The following MIS18BP1 variants were observed in gnomAD, a reference collection of about 807,000 sequenced individuals.
The protein encoded by MIS18BP1 is MIS18 binding protein 1.
Under a neutral mutation model 116.1 loss-of-function variants are expected in MIS18BP1, and 72 were observed. The ratio of observed to expected loss-of-function variants is 0.62; its 90% CI spans 0.51 to 0.75. The LOEUF (loss-of-function observed/expected upper bound fraction) is 0.75. Among genes scored for constraint, MIS18BP1 ranks in the 30% least tolerant of loss-of-function variants. MIS18BP1 has a pLI of 0.00. For synonymous variants in MIS18BP1, 386 were observed against 427.0 expected, an observed-to-expected ratio of 0.90 and a Z score of 1.18; for missense variants, 1,363 against 1,303.2, an observed-to-expected ratio of 1.05 and a Z score of -0.71.
At position 45,242,758 on chromosome 14, in the gene MIS18BP1, T is replaced by C; in HGVS notation, c.658+3A>G. ...AACTGAAAACAAACCAAAAATAGTTTACCGTAAGTTAAATTGTGCAGTGGT... is the reference window on the plus strand; with the variant it reads ...AACTGAAAACAAACCAAAAATAGTTCACCGTAAGTTAAATTGTGCAGTGGT... On this transcript the variant is annotated splice_donor_region_variant and intron_variant, in intron 3 of 16. Coordinates refer to ENST00000310806, the MANE Select transcript of MIS18BP1 (RefSeq NM_018353.5). 6.3e-7 allele frequency: 1 copy of C among 1,597,488 alleles called. No homozygotes were observed. The highest frequency in any genetic ancestry group is 8.5e-7 in the Non-Finnish European group (1 of 1,172,578).
intron 14 of MIS18BP1, among the ~76,000 whole-genome samples, chr14:45,207,410 G>GGAGGCT (rs1890547064): frequency 6.6e-6 from 1 of 152,166 alleles, no homozygotes; most frequent in Admixed American, 6.5e-5. Context: ...CAGCACTTTG[G>GGAGGCT]GAGGCTGAGG....
At chr14:45,250,244 T>A (rs934535214) in intron 1 of MIS18BP1, 3 of 152,196 alleles carry the variant, frequency 2.0e-5, no homozygotes. Context: ...CTAGGAGACC[T>A]TTTTCCCACC....
intron 9 of MIS18BP1, 140 bp from the exon 10 acceptor site, chr14:45,226,976 A>T (rs939767622): frequency 3.3e-6 from 2 of 610,920 alleles, no homozygotes. Context: ...ACACATTCCG[A>T]AACTTACTTG....
intron 15 of MIS18BP1, among the ~76,000 whole-genome samples, chr14:45,205,012 T>C (rs1890474744): frequency 6.6e-6 from 1 of 152,120 alleles, no homozygotes; most frequent in South Asian, 2.1e-4. Context: ...AATGGCAAGT[T>C]TGAAGTACAT....
intron 2 of MIS18BP1, 83 bp downstream of exon 2, chr14:45,246,660 C>T: frequency 1.5e-6 from 2 of 1,333,220 alleles, no homozygotes; most frequent in East Asian, 2.4e-5. Context: ...TTGTTCACTG[C>T]TATATTCTGA....
chr14:45,228,221 C>G (rs1049909672), intron 8 of MIS18BP1, among the ~76,000 whole-genome samples: 1 of 152,118 alleles, frequency 6.6e-6, no homozygotes, highest in Non-Finnish European at 1.5e-5. Flanking sequence ...TATAATTTGA[C>G]TAGGATATAA....
intron 1 of MIS18BP1, among the ~76,000 whole-genome samples, chr14:45,247,987 A>G (rs191016798): frequency 6.7e-6 from 1 of 150,288 alleles, no homozygotes; most frequent in Non-Finnish European, 1.5e-5. Context: ...TTTTTAATGT[A>G]GTGCTATTTA....
At position 45,244,431 on chromosome 14, in the gene MIS18BP1, C is replaced by T. The variant is rs1891672744; in HGVS notation, c.545-1557G>A. On this transcript the variant is annotated intron_variant, in intron 2 of 16. Coordinates refer to ENST00000310806, the MANE Select transcript of MIS18BP1 (RefSeq NM_018353.5). Reference sequence around the variant, plus strand: ...CAAATAAAATATACACTTCACAATCCCTCATCTCCTTCAGATCCTTTGCCC... The same window carrying T: ...CAAATAAAATATACACTTCACAATCTCTCATCTCCTTCAGATCCTTTGCCC... 2.0e-5 allele frequency among the ~76,000 whole-genome samples: 3 copies of T among 151,756 alleles called. No homozygotes were observed. The South Asian group carries it at 6.2e-4, about 32-fold the overall frequency.
Position 45,224,156 on chromosome 14 carries a change from T to C in MIS18BP1, c.2431A>G (p.Ser811Gly), listed in dbSNP as rs1322818242. 7 of 1,613,968 alleles carry C rather than the reference T, an allele frequency of 4.3e-6. No homozygotes were observed. The highest frequency in any genetic ancestry group is 5.9e-6 in the Non-Finnish European group (7 of 1,179,982). Residue 811 changes from serine to glycine, a missense_variant, in exon 11 of 17, where the codon AGT becomes GGT. Transcript: ENST00000310806. ...GGTTCCAAAATCACTGGAATATTAC[T>C]TGTGTTTCTTGTGCTCTTTCTCAGG... The part of the protein sequence containing the change: ...VHLRKSTRNT[S>G]NIPVILEPET...
At position 45,204,197 on chromosome 14, in the gene MIS18BP1, G is replaced by T; in HGVS notation, c.3311C>A (p.Ser1104Tyr). The change falls in exon 17 of 17, where the codon TCT becomes TAT. Residue 1104 changes from serine to tyrosine, a missense_variant. Physicochemically the swap from Ser to Tyr is moderately radical, Grantham distance 144. Transcript: ENST00000310806. ...TPFNTDLGEN[S>Y]GIGKLFTNAV... Reference sequence around the variant, plus strand: ...ATTAGTGAAAAGTTTTCCAATACCAGAGTTTTCTCCTAAGTCTGTAAAGAG... The same window carrying T: ...ATTAGTGAAAAGTTTTCCAATACCATAGTTTTCTCCTAAGTCTGTAAAGAG... 1 of 1,609,618 alleles carries T rather than the reference G, an allele frequency of 6.2e-7. No homozygotes were observed. The highest frequency in any genetic ancestry group is 1.1e-5 in the South Asian group (1 of 89,834).
At chr14:45,240,069 T>G (rs1891534028) in intron 4 of MIS18BP1, among the ~76,000 whole-genome samples, 1 of 152,100 alleles carries the variant, frequency 6.6e-6, no homozygotes, top group Non-Finnish European at 1.5e-5. Context: ...CAACTGCACA[T>G]GAGTGTGGAG....
At chr14:45,206,008 G>GACTT (rs763957763) in intron 15 of MIS18BP1, 75 bp downstream of exon 15, 4 of 940,608 alleles carry the variant, frequency 4.3e-6, no homozygotes, top group Non-Finnish European at 6.6e-6. Context: ...ACTGTTACAT[G>GACTT]ACTTACAACT....
rs759413917 is a variant in MIS18BP1, at chr14:45,204,193, A to G, written c.3315T>C (p.Gly1105=). The change falls in exon 17 of 17, where the codon GGT becomes GGC. Residue 1105 remains glycine (G), a synonymous_variant. Coordinates refer to ENST00000310806, the MANE Select transcript of MIS18BP1 (RefSeq NM_018353.5). ...CAGCATTAGTGAAAAGTTTTCCAAT[A>G]CCAGAGTTTTCTCCTAAGTCTGTAA... ...PFNTDLGENS[G]IGKLFTNAVE... 6.2e-7 allele frequency: 1 copy of G among 1,610,084 alleles called. No individual in the cohort carries two copies. The highest frequency in any genetic ancestry group is 1.1e-5 in the South Asian group (1 of 89,946).
chr14:45,218,425 G>C lies in MIS18BP1; in HGVS notation c.2699C>G (p.Pro900Arg), dbSNP rs772955667. Residue 900 changes from proline to arginine, a missense_variant, in exon 12 of 17, where the codon CCT becomes CGT. Transcript: ENST00000310806. Reference sequence around the variant, plus strand: ...CGCAGCTACCTCTGACCAGAAACCAGGTTTGTGCTTTGGAAGAGATGCAAA... The same window carrying C: ...CGCAGCTACCTCTGACCAGAAACCACGTTTGTGCTTTGGAAGAGATGCAAA... ...CAFASLPKHK[P>R]GFWSEVAAAV... is the part of the protein sequence containing the mutation. The C allele has an allele frequency of 6.2e-7, 1 of 1,609,166 alleles. No homozygotes were observed. Among genetic ancestry groups the C allele is most frequent in the East Asian group, 2.2e-5 (1 of 44,790 alleles).
At chr14:45,228,647 A>C (rs1180452962) in intron 8 of MIS18BP1, among the ~76,000 whole-genome samples, 6 of 152,236 alleles carry the variant, frequency 3.9e-5, no homozygotes, top group Non-Finnish European at 8.8e-5. Flanking sequence ...ATTCATAAAA[A>C]GTATAAAAAC....
chr14:45,204,333 C>T (rs1890451568), intron 16 of MIS18BP1, 66 bp downstream of exon 16: 14 of 1,537,238 alleles, frequency 9.1e-6, no homozygotes, highest in South Asian at 7.2e-5. Context: ...AATTTTAATA[C>T]CATTTAAATA....
rs765124955 is a variant in MIS18BP1 at position 45,222,090 on chromosome 14, C to T, written c.2669+1828G>A. 1.1e-4 allele frequency among the ~76,000 whole-genome samples: 16 copies of T among 152,158 alleles called. 1 individual carries two copies. In the South Asian group the frequency reaches 1.7e-3, roughly 16 times the overall value. ...AGCTTTCTTTTGATTTGTGTTTAGACGGTATTTTTCTATCCTTTTAACCTA... is the reference window on the plus strand; with the variant it reads ...AGCTTTCTTTTGATTTGTGTTTAGATGGTATTTTTCTATCCTTTTAACCTA... On this transcript the variant is annotated intron_variant, in intron 11 of 16. Coordinates refer to ENST00000310806, the MANE Select transcript of MIS18BP1 (RefSeq NM_018353.5).
At chr14:45,240,612 G>A (rs1042465831) in intron 4 of MIS18BP1, among the ~76,000 whole-genome samples, 2 of 151,998 alleles carry the variant, frequency 1.3e-5, no homozygotes, top group Non-Finnish European at 2.9e-5. Flanking sequence ...TGCTATATAA[G>A]GGAAACAAAA....
chr14:45,206,632 A>T (rs889408569), intron 14 of MIS18BP1, among the ~76,000 whole-genome samples: 4 of 152,234 alleles, frequency 2.6e-5, no homozygotes, highest in Admixed American at 2.0e-4. Context: ...TCTGTATTTT[A>T]AAGAGGACAA....
Sources: gnomAD v4.1 joint callset for allele counts (sites outside exome capture counted in the v4.1 genomes callset) on GRCh38, gnomAD v4.1.1 for gene constraint, MANE v1.5 for transcripts, NCBI Gene and HGNC (gene_info 2026-07-23, HGNC 2026-07-21) for gene names.